The following DRC8 variants were observed in gnomAD, a reference collection of about 807,000 sequenced individuals.
DRC8 encodes the protein dynein regulatory complex protein 8.
At chr1:244,970,370 G>A in the DRC8 span, 4 of 1,525,364 alleles carry the variant, frequency 2.6e-6, no homozygotes, top group African/African-American at 4.2e-5. Flanking sequence ...GGGACACCGC[G>A]GCCGAGGTTA....
the DRC8 span, among the ~76,000 whole-genome samples, chr1:245,027,667 G>A: frequency 0.95 from 145,380 of 152,250 alleles, 69,727 homozygotes; most frequent in East Asian, 1. Flanking sequence ...TTCTGTCTAC[G>A]TTTTCTCTCC....
At chr1:245,025,090 G>A in the DRC8 span, among the ~76,000 whole-genome samples, 21 of 151,804 alleles carry the variant, frequency 1.4e-4, 1 homozygote, top group Non-Finnish European at 1.5e-4. Context: ...TTGGAGTATG[G>A]ATTTAATTTT....
chr1:244,995,243 C>A, the DRC8 span, among the ~76,000 whole-genome samples: 2 of 151,956 alleles, frequency 1.3e-5, no homozygotes, highest in Admixed American at 6.6e-5. Context: ...CGCCTGTAAC[C>A]CCAGCTACTT....
chr1:245,022,715 G>T, the DRC8 span, among the ~76,000 whole-genome samples: 30 of 152,180 alleles, frequency 2.0e-4, no homozygotes, highest in Non-Finnish European at 3.5e-4. Context: ...GTGCATGTGC[G>T]TGTGCGTGTG....
At chr1:244,972,152 T>G in the DRC8 span, among the ~76,000 whole-genome samples, 1 of 152,218 alleles carries the variant, frequency 6.6e-6, no homozygotes, top group Non-Finnish European at 1.5e-5. Context: ...TTTTTCCATT[T>G]AAAGTAAATT....
chr1:245,049,668 A>G, the DRC8 span, among the ~76,000 whole-genome samples: 2 of 152,184 alleles, frequency 1.3e-5, no homozygotes, highest in Non-Finnish European at 2.9e-5. The surrounding 1 kb of genome is among the most constrained non-coding windows in gnomAD (Gnocchi z 4.5). Context: ...TGGGTCAACA[A>G]TTTGCGGCCC....
At chr1:245,065,635 T>A in the DRC8 span, among the ~76,000 whole-genome samples, 1 of 152,164 alleles carries the variant, frequency 6.6e-6, no homozygotes, top group Non-Finnish European at 1.5e-5. Flanking sequence ...TCTTTGTTTT[T>A]GTTAGTAGCT....
the DRC8 span, among the ~76,000 whole-genome samples, chr1:244,979,431 A>G: frequency 6.8e-6 from 1 of 146,888 alleles, no homozygotes; most frequent in Non-Finnish European, 1.5e-5. Flanking sequence ...TCAGCCTCCC[A>G]AGTAGCTGGG....
the DRC8 span, among the ~76,000 whole-genome samples, chr1:244,983,989 C>CA: frequency 2.6e-5 from 4 of 151,930 alleles, no homozygotes; most frequent in Admixed American, 6.6e-5. Flanking sequence ...GGGTTTCTCT[C>CA]TGTCATCCAG....
the DRC8 span, among the ~76,000 whole-genome samples, chr1:245,052,129 T>A: frequency 2.6e-5 from 4 of 152,196 alleles, no homozygotes; most frequent in Non-Finnish European, 5.9e-5. Flanking sequence ...TGCTGCAGAA[T>A]AGCTGTTTTG....
chr1:245,004,307 C>G, the DRC8 span, among the ~76,000 whole-genome samples: 1 of 151,850 alleles, frequency 6.6e-6, no homozygotes, highest in South Asian at 2.1e-4. Context: ...ACAGGAAACT[C>G]TTTAGGAATT....
chr1:245,115,887 CTTTT>C, the DRC8 span, among the ~76,000 whole-genome samples: 18 of 145,084 alleles, frequency 1.2e-4, no homozygotes, highest in East Asian at 2.0e-4. Context: ...GATCCTATCT[CTTTT>C]TTTTTTTTTT....
At chr1:245,069,513 G>A in the DRC8 span, among the ~76,000 whole-genome samples, 1 of 152,164 alleles carries the variant, frequency 6.6e-6, no homozygotes, top group Non-Finnish European at 1.5e-5. Context: ...ACCCATGTTT[G>A]AGGGTCACCT....
the DRC8 span, among the ~76,000 whole-genome samples, chr1:245,002,779 A>C: frequency 6.7e-6 from 1 of 148,688 alleles, no homozygotes; most frequent in Non-Finnish European, 1.5e-5. Flanking sequence ...AGTATTTTGA[A>C]TTATTTTTAA....
At chr1:244,977,546 A>C in the DRC8 span, among the ~76,000 whole-genome samples, 15 of 152,228 alleles carry the variant, frequency 9.9e-5, no homozygotes, top group South Asian at 1.5e-3. Flanking sequence ...ATAATAATAA[A>C]GAAGTCGGGG....
At chr1:245,033,269 G>C in the DRC8 span, among the ~76,000 whole-genome samples, 2 of 152,188 alleles carry the variant, frequency 1.3e-5, no homozygotes, top group Admixed American at 1.3e-4. Context: ...ATGGGCCTTA[G>C]CCACACCCTG....
the DRC8 span, among the ~76,000 whole-genome samples, chr1:245,031,015 G>A: frequency 6.6e-6 from 1 of 152,180 alleles, no homozygotes; most frequent in Non-Finnish European, 1.5e-5. Context: ...ACAAAGCATA[G>A]CAACCTATAC....
the DRC8 span, among the ~76,000 whole-genome samples, chr1:245,082,915 G>T: frequency 6.6e-6 from 1 of 151,960 alleles, no homozygotes; most frequent in Non-Finnish European, 1.5e-5. Context: ...CACTATGTTG[G>T]CCAGGCTGGT....
the DRC8 span, among the ~76,000 whole-genome samples, chr1:245,118,516 G>C: frequency 6.6e-6 from 1 of 152,230 alleles, no homozygotes; most frequent in Non-Finnish European, 1.5e-5. Flanking sequence ...AGTAAGCCGG[G>C]CGCAGTGGCT....
Sources: allele counts gnomAD v4.1 joint callset (sites outside exome capture counted in the v4.1 genomes callset), GRCh38; gene constraint gnomAD v4.1.1; non-coding constraint Gnocchi (gnomAD v3.1); transcripts MANE v1.5; gene names NCBI Gene and HGNC (gene_info 2026-07-23, HGNC 2026-07-21).